Variants in TRPM6 observed in about 807,000 individuals in gnomAD.
TRPM6 encodes the protein channel kinase 2.
A neutral mutation model predicts 247.6 loss-of-function variants in TRPM6; 111 were observed. The observed-to-expected ratio is 0.45, with a 90% CI of 0.38 to 0.52. The LOEUF is 0.52. Among genes scored for constraint, TRPM6 ranks in the 20% least tolerant of loss-of-function variants. TRPM6 has a pLI of 0.00. For synonymous variants in TRPM6, 892 were observed against 853.8 expected, an observed-to-expected ratio of 1.04 and a Z score of -0.78; for missense variants, 2,126 against 2,421.5, an observed-to-expected ratio of 0.88 and a Z score of 2.56.
intron 7 of TRPM6, 178 bp downstream of exon 7, chr9:74,827,600 G>A: frequency 1.4e-6 from 1 of 717,590 alleles, no homozygotes. Context: ...CATTTGGATT[G>A]GATACATGGA....
intron 27 of TRPM6, among the ~76,000 whole-genome samples, chr9:74,760,483 G>A (rs888863082): frequency 6.6e-6 from 1 of 152,138 alleles, no homozygotes; most frequent in Non-Finnish European, 1.5e-5. Flanking sequence ...ATTCCATGAT[G>A]TTTGTGCCAT....
In TRPM6 at chr9:74,782,865, C is replaced by T. The variant is rs1459053114; in HGVS notation, c.2920-12G>A. The stretch of plus-strand genomic sequence containing the variant: ...AACATGTTTGCTGTCTGCAAAAGAG[C>T]ATAGTACAACCAGAATTTTACCACA... On this transcript the variant is annotated splice_polypyrimidine_tract_variant and intron_variant, in intron 21 of 38. Coordinates refer to ENST00000360774, the MANE Select transcript of TRPM6 (RefSeq NM_017662.5). 1 of 1,613,636 alleles carries T rather than the reference C, an allele frequency of 6.2e-7. No homozygotes were observed. Among genetic ancestry groups the T allele is most frequent in the African/African-American group, 1.3e-5 (1 of 75,032 alleles).
chr9:74,845,344 A>T (rs541291584), intron 3 of TRPM6, among the ~76,000 whole-genome samples: 2 of 152,050 alleles, frequency 1.3e-5, no homozygotes, highest in Admixed American at 1.3e-4. Flanking sequence ...ACTCATGTTC[A>T]TAGCAGCATT....
intron 6 of TRPM6, among the ~76,000 whole-genome samples, chr9:74,831,258 G>A (rs934882686): frequency 3.9e-5 from 6 of 152,048 alleles, no homozygotes; most frequent in Admixed American, 1.3e-4. Context: ...TTGGGAGGCC[G>A]AAGTGGGTGG....
intron 27 of TRPM6, among the ~76,000 whole-genome samples, chr9:74,757,118 C>T (rs1354153188): frequency 6.7e-6 from 1 of 149,604 alleles, no homozygotes; most frequent in African/African-American, 2.5e-5. Flanking sequence ...GCGGAGGATG[C>T]AGTGAGCCAA....
At chr9:74,779,895 T>A (rs956976012) in intron 23 of TRPM6, among the ~76,000 whole-genome samples, 1 of 152,140 alleles carries the variant, frequency 6.6e-6, no homozygotes, top group African/African-American at 2.4e-5. Context: ...AAGTGACGGC[T>A]GGGCGCAGTG....
At chr9:74,731,105 C>A in intron 37 of TRPM6, among the ~76,000 whole-genome samples, 1 of 152,104 alleles carries the variant, frequency 6.6e-6, no homozygotes, top group East Asian at 1.9e-4. Flanking sequence ...GAAATTGAGG[C>A]CCACTGGCCT....
At chr9:74,848,337 A>G (rs752926697) in intron 3 of TRPM6, among the ~76,000 whole-genome samples, 7 of 152,306 alleles carry the variant, frequency 4.6e-5, no homozygotes, top group Non-Finnish European at 1.0e-4. Flanking sequence ...ACAGTCAATC[A>G]GATAACCCTG....
intron 1 of TRPM6, chr9:74,887,512 GCCCCGAGCTGAAC>G: frequency 2.8e-6 from 3 of 1,077,236 alleles, no homozygotes; most frequent in Non-Finnish European, 4.1e-6. Context: ...GTTTCCCACC[GCCCCGAGCTGAAC>G]CCCCGACCCC....
intron 7 of TRPM6, among the ~76,000 whole-genome samples, chr9:74,823,987 G>A (rs1232245478): frequency 1.3e-5 from 2 of 151,896 alleles, no homozygotes; most frequent in Non-Finnish European, 2.9e-5. Flanking sequence ...GTTAAGAATG[G>A]TTAGTTTTGA....
intron 1 of TRPM6, among the ~76,000 whole-genome samples, chr9:74,878,383 C>T (rs1440997686): frequency 6.6e-6 from 1 of 152,200 alleles, no homozygotes; most frequent in East Asian, 1.9e-4. Flanking sequence ...AAGACTGGCA[C>T]ATTCAGCTCA....
chr9:74,775,918 G>A lies in TRPM6; in HGVS notation c.3368C>T (p.Ala1123Val), dbSNP rs771132040. The change falls in exon 24 of 39, where the codon GCT (alanine) becomes GTT (valine). Residue 1123 changes from alanine to valine, a missense_variant. Ala to Val is a moderately conservative substitution (Grantham distance 64). This residue lies in a region of TRPM6 where 717 missense variants were observed against 715.9 expected (regional missense o/e 1.00). Transcript: ENST00000360774. ...LLLRRLCCHR[A>V]PHDQEEGDVG... ...GTCACCCTCTTCTTGGTCGTGAGGA[G>A]CTCGATGACAGCACAGGCGGCGGAG... 1 of 1,614,182 alleles carries A rather than the reference G, an allele frequency of 6.2e-7. No individual in the cohort carries two copies. The highest frequency in any genetic ancestry group is 8.5e-7 in the Non-Finnish European group (1 of 1,180,036).
intron 28 of TRPM6, among the ~76,000 whole-genome samples, chr9:74,753,126 A>AAG (rs1415051089): frequency 2.6e-5 from 4 of 151,812 alleles, no homozygotes; most frequent in African/African-American, 4.8e-5. Flanking sequence ...AAAAAAAAAA[A>AAG]AAAGAAAGGA....
intron 23 of TRPM6, among the ~76,000 whole-genome samples, chr9:74,780,702 G>A (rs892135434): frequency 1.3e-5 from 2 of 152,158 alleles, no homozygotes; most frequent in African/African-American, 4.8e-5. Flanking sequence ...GGGGTAGTGA[G>A]AGGTCATTAA....
At chr9:74,737,596 T>C in intron 36 of TRPM6, 1 of 431,224 alleles carries the variant, frequency 2.3e-6, no homozygotes, top group South Asian at 2.1e-5. Flanking sequence ...ACAGCTTAAG[T>C]CTGCATCCTG....
At chr9:74,748,335 T>C (rs371237314) in intron 30 of TRPM6, among the ~76,000 whole-genome samples, 5 of 152,368 alleles carry the variant, frequency 3.3e-5, no homozygotes, top group African/African-American at 1.2e-4. Context: ...TATATTATGC[T>C]CTTTTTCATT....
At chr9:74,806,422 A>G (rs773800230) in intron 14 of TRPM6, among the ~76,000 whole-genome samples, 3 of 152,126 alleles carry the variant, frequency 2.0e-5, no homozygotes, top group Non-Finnish European at 4.4e-5. Context: ...CACCATGCCC[A>G]GCCCAAACTA....
intron 31 of TRPM6, among the ~76,000 whole-genome samples, chr9:74,745,235 G>A (rs553353685): frequency 6.6e-6 from 1 of 152,348 alleles, no homozygotes; most frequent in African/African-American, 2.4e-5. Context: ...GGGCATCTGA[G>A]TCTGATAAAA....
Position 74,723,262 on chromosome 9 carries a change from G to A in TRPM6, c.*1351C>T, listed in dbSNP as rs542368501. The A allele has an allele frequency of 9.9e-4, 151 of 152,210 alleles. 2 individuals are homozygous for A. Among genetic ancestry groups the A allele is most frequent in the African/African-American group, 3.0e-3 (123 of 41,532 alleles). The allele number at this position is 152,210 out of a possible 1,614,324, so 9.4% of individuals were successfully genotyped here. ...ACATTCTTTATGCCAGGGGAATAGG[G>A]AACTCTGCTCTGGAAGGAAGCAAAC... On this transcript the variant is annotated 3_prime_UTR_variant, in exon 39 of 39. Transcript: ENST00000360774.
Sources: allele counts gnomAD v4.1 joint callset (sites outside exome capture counted in the v4.1 genomes callset), GRCh38; gene constraint gnomAD v4.1.1; regional missense constraint gnomAD v4.1.1; transcripts MANE v1.5; gene names NCBI Gene and HGNC (gene_info 2026-07-23, HGNC 2026-07-21).